The following HECTD4 variants were observed in gnomAD, a reference collection of about 807,000 sequenced individuals.
The protein encoded by HECTD4 is HECT domain E3 ubiquitin protein ligase 4, also known as probable E3 ubiquitin-protein ligase HECTD4.
Under a neutral mutation model 471.5 loss-of-function variants are expected in HECTD4, and 114 were observed. The observed-to-expected ratio is 0.24, with a 90% CI of 0.21 to 0.28. The LOEUF (loss-of-function observed/expected upper bound fraction) is 0.28. Ranked by LOEUF, HECTD4 falls within the 10% of genes least tolerant of loss-of-function variation. HECTD4 has a pLI of 1.00. For synonymous variants in HECTD4, 2,012 were observed against 2,256.0 expected, an observed-to-expected ratio of 0.89 and a Z score of 3.07; for missense variants, 3,866 against 5,651.5, an observed-to-expected ratio of 0.68 and a Z score of 10.13.
Position 112,162,937 on chromosome 12 carries a change from C to T in HECTD4, c.13120+105G>A. The T allele has an allele frequency of 1.1e-6, 1 of 936,612 alleles. No homozygotes were observed. Among genetic ancestry groups the T allele is most frequent in the East Asian group, 2.4e-5 (1 of 41,374 alleles). 58.0% of individuals were successfully genotyped at this position (936,612 alleles called of 1,614,324 possible). A position where few individuals can be genotyped will look rare whatever the true frequency, so the allele number is the denominator to read the frequency against. On this transcript the variant is annotated intron_variant, in intron 75 of 75. Transcript: ENST00000682272. This position sits in a 1 kb window ranked among gnomAD's most constrained non-coding sequence, Gnocchi z 5.2. ...GATGTCTGAGTTTTGGCACGTGGGG[C>T]TCCTGTTCATTGTTCTCCCTTCACA...
chr12:112,186,950 G>T (rs1369468862), intron 60 of HECTD4, among the ~76,000 whole-genome samples: 2 of 151,926 alleles, frequency 1.3e-5, no homozygotes, highest in African/African-American at 4.8e-5. Context: ...TTACAGATGT[G>T]AGCCACTGTA....
Position 112,261,414 on chromosome 12 carries a change from T to C in HECTD4, c.2764A>G (p.Ile922Val). The change falls in exon 18 of 76, where the codon ATT (isoleucine) becomes GTT (valine). Residue 922 changes from isoleucine (I) to valine (V), a missense_variant. Ile to Val is a conservative substitution (Grantham distance 29). Transcript: ENST00000682272. ...TLKVQELKVS[I>V]LALATQILTG... is the part of the protein sequence containing the mutation. ...AGGATTTGGGTGGCAAGAGCCAAAA[T>C]ACTGACTTTTAGCTCCTAGGCAGAA... The C allele has an allele frequency of 1.2e-6, 2 of 1,607,350 alleles. No individual in the cohort carries two copies. Among genetic ancestry groups the C allele is most frequent in the African/African-American group, 1.3e-5 (1 of 74,970 alleles).
At chr12:112,204,677 C>G in intron 52 of HECTD4, 54 bp from the exon 53 acceptor site, 1 of 1,376,218 alleles carries the variant, frequency 7.3e-7, no homozygotes. Context: ...ACAGATCAAC[C>G]ATGACACTGA....
intron 32 of HECTD4, among the ~76,000 whole-genome samples, chr12:112,240,640 G>A (rs1289156040): frequency 1.3e-5 from 2 of 151,834 alleles, no homozygotes; most frequent in Admixed American, 1.3e-4. Context: ...TAGTAGAGAT[G>A]ATGTTTCGCT....
chr12:112,250,906 T>A, intron 24 of HECTD4, 65 bp downstream of exon 24: 1 of 1,465,400 alleles, frequency 6.8e-7, no homozygotes, highest in Non-Finnish European at 9.2e-7. Context: ...ACCAAAAGGA[T>A]TTTTCCACAT....
intron 2 of HECTD4, among the ~76,000 whole-genome samples, chr12:112,318,530 C>T (rs939428136): frequency 3.9e-5 from 6 of 152,028 alleles, no homozygotes; most frequent in African/African-American, 1.4e-4. Flanking sequence ...CCCACCACAA[C>T]GCCCGGCTAA....
At position 112,220,340 on chromosome 12, in the gene HECTD4, C is replaced by T. The variant is rs555784655; in HGVS notation, c.6971-851G>A. Reference sequence around the variant, plus strand: ...CCTACTATGGAGGGAAAATAAGATGCGCACACACGCAGACCACACACAGGC... The same window carrying T: ...CCTACTATGGAGGGAAAATAAGATGTGCACACACGCAGACCACACACAGGC... On this transcript the variant is annotated intron_variant, in intron 44 of 75. Transcript: ENST00000682272. Among the ~76,000 whole-genome samples the T allele has an allele frequency of 1.4e-4, 21 of 152,010 alleles. 1 individual carries two copies. In the South Asian group the frequency reaches 4.0e-3, roughly 29 times the overall value.
intron 50 of HECTD4, 103 bp downstream of exon 50, chr12:112,209,912 C>T (rs1473211864): frequency 1.8e-5 from 18 of 981,296 alleles, no homozygotes; most frequent in Non-Finnish European, 1.5e-6. Flanking sequence ...GTTTGCAACT[C>T]CTGATTGTAA....
At chr12:112,216,691 C>T in intron 47 of HECTD4, 82 bp downstream of exon 47, 3 of 1,484,770 alleles carry the variant, frequency 2.0e-6, no homozygotes, top group Non-Finnish European at 2.8e-6. Flanking sequence ...AGACAGAACT[C>T]TATTTTGACT....
intron 68 of HECTD4, chr12:112,170,787 G>A: frequency 2.2e-6 from 1 of 448,484 alleles, no homozygotes; most frequent in Non-Finnish European, 4.0e-6. Context: ...AAGTCTGGAA[G>A]GAGAGAGACT....
In HECTD4 at chr12:112,184,400, C is replaced by T. The variant is rs930701505; in HGVS notation, c.10566G>A (p.Pro3522=). ...LPAGLELPIP[P]GLLEPHAVSS... ...ACACCGCGTGGGGCTCCAACAGGCC[C>T]GGAGGGATGGGCAGCTCGAGGCCGG... The change falls in exon 61 of 76, where the codon CCG becomes CCA. Residue 3522 remains proline (P), a synonymous_variant. Transcript: ENST00000682272. The surrounding 1 kb of genome is among the most constrained non-coding windows in gnomAD (Gnocchi z 9.1). 1.9e-6 allele frequency: 3 copies of T among 1,608,148 alleles called. 1 individual carries two copies.
intron 1 of HECTD4, among the ~76,000 whole-genome samples, chr12:112,369,615 G>A (rs2036631099): frequency 6.6e-6 from 1 of 152,068 alleles, no homozygotes; most frequent in Non-Finnish European, 1.5e-5. Context: ...AAAATGCTGG[G>A]ATTACAGTGT....
intron 7 of HECTD4, among the ~76,000 whole-genome samples, chr12:112,287,702 C>A (rs2135649585): frequency 6.6e-6 from 1 of 151,840 alleles, no homozygotes; most frequent in African/African-American, 2.4e-5. Flanking sequence ...GAGGCAGAGG[C>A]AGGAGAACAG....
intron 1 of HECTD4, among the ~76,000 whole-genome samples, chr12:112,346,268 C>T (rs930801923): frequency 6.6e-6 from 1 of 152,214 alleles, no homozygotes; most frequent in Admixed American, 6.5e-5. Flanking sequence ...TAAGAATCAC[C>T]TTGAGCACTG....
At chr12:112,265,730 T>G (rs2034253396) in intron 15 of HECTD4, 148 bp downstream of exon 15, 1 of 619,576 alleles carries the variant, frequency 1.6e-6, no homozygotes, top group Non-Finnish European at 2.8e-6. Context: ...GTGGAATCTA[T>G]TATCTTTCAA....
At chr12:112,368,724 G>T (rs1313867147) in intron 1 of HECTD4, among the ~76,000 whole-genome samples, 1 of 152,146 alleles carries the variant, frequency 6.6e-6, no homozygotes, top group African/African-American at 2.4e-5. Flanking sequence ...TGGTGGAATG[G>T]TGTAATCCCA....
chr12:112,170,735 C>CTG (rs944140958), intron 68 of HECTD4: 2 of 489,686 alleles, frequency 4.1e-6, no homozygotes, highest in Middle Eastern at 1.1e-3. Flanking sequence ...AGACAAAAAG[C>CTG]TGTGTGTGTG....
At position 112,190,925 on chromosome 12, in the gene HECTD4, G is replaced by T; in HGVS notation, c.9333C>A (p.Ser3111=). ...PPPGAVLVLH[S]LPLEFPLAMA... ...TAGCCAGTGGGAACTCCAGGGGCAG[G>T]GAATGTAACACCAGGACTGCTCCAG... Residue 3111 remains serine (S), a synonymous_variant, in exon 60 of 76, where the codon TCC becomes TCA. Coordinates refer to ENST00000682272, the MANE Select transcript of HECTD4 (RefSeq NM_001388303.1). 6.4e-7 allele frequency: 1 copy of T among 1,568,920 alleles called. No homozygotes were observed. The highest frequency in any genetic ancestry group is 8.6e-7 in the Non-Finnish European group (1 of 1,157,166).
chr12:112,363,118 C>T (rs946272288), intron 1 of HECTD4, among the ~76,000 whole-genome samples: 11 of 151,974 alleles, frequency 7.2e-5, no homozygotes, highest in Admixed American at 2.0e-4. Flanking sequence ...AGTTTTATTA[C>T]GCTAATCAGT....
Sources: gnomAD v4.1 joint callset for allele counts (sites outside exome capture counted in the v4.1 genomes callset) on GRCh38, gnomAD v4.1.1 for gene constraint, Gnocchi (gnomAD v3.1) non-coding constraint, MANE v1.5 for transcripts, NCBI Gene and HGNC (gene_info 2026-07-23, HGNC 2026-07-21) for gene names.